Variants in GPC6 observed in about 807,000 individuals in gnomAD.
The protein encoded by GPC6 is glypican-6.
GPC6 carries 14 observed loss-of-function variants against 55.2 expected under a neutral mutation model. The observed-to-expected ratio is 0.25, with a 90% CI of 0.17 to 0.40. GPC6 has a LOEUF of 0.40. Ranked by LOEUF, GPC6 falls within the 10% of genes least tolerant of loss-of-function variation. The probability of loss-of-function intolerance (pLI) is 1.00; values close to 1 mark genes in which losing one functional copy is unlikely to be tolerated. For missense variants in GPC6, 641 were observed against 708.5 expected (o/e 0.90, Z 1.08); for synonymous variants, 278 against 259.6 (o/e 1.07, Z -0.68).
chr13:93,727,734 G>T (rs903842035), intron 2 of GPC6, among the ~76,000 whole-genome samples: 4 of 152,098 alleles, frequency 2.6e-5, no homozygotes, highest in Non-Finnish European at 4.4e-5. Flanking sequence ...TGGCCAGTTT[G>T]CCAACCCTGT....
At chr13:93,655,185 A>G (rs567558216) in intron 2 of GPC6, among the ~76,000 whole-genome samples, 1 of 152,094 alleles carries the variant, frequency 6.6e-6, no homozygotes, top group Non-Finnish European at 1.5e-5. Flanking sequence ...GTGACTTAGA[A>G]ATCTCATGCA....
chr13:94,086,680 G>T (rs1056826906), intron 4 of GPC6, among the ~76,000 whole-genome samples: 2 of 149,584 alleles, frequency 1.3e-5, no homozygotes, highest in Non-Finnish European at 3.0e-5. Flanking sequence ...AGATCCTCAG[G>T]CTATCTTAAG....
chr13:94,007,694 A>G (rs376573703), intron 3 of GPC6, among the ~76,000 whole-genome samples: 1 of 152,098 alleles, frequency 6.6e-6, no homozygotes, highest in African/African-American at 2.4e-5. Context: ...ATTATGACCC[A>G]TCAATCAGTA....
chr13:94,159,783 A>G (rs1320258042), intron 4 of GPC6, among the ~76,000 whole-genome samples: 1 of 152,226 alleles, frequency 6.6e-6, no homozygotes, highest in Non-Finnish European at 1.5e-5. Context: ...ACTAGTACTA[A>G]TTAAAAGGTA....
At chr13:94,130,088 T>A (rs1886956890) in intron 4 of GPC6, among the ~76,000 whole-genome samples, 1 of 152,180 alleles carries the variant, frequency 6.6e-6, no homozygotes, top group Non-Finnish European at 1.5e-5. Flanking sequence ...AATGCTCTCA[T>A]ACTGATTAAT....
chr13:93,245,573 T>A (rs941588494), intron 1 of GPC6, among the ~76,000 whole-genome samples: 6 of 152,214 alleles, frequency 3.9e-5, no homozygotes, highest in African/African-American at 1.4e-4. Flanking sequence ...TCTAACAAGT[T>A]CTCAGGTGAT....
At chr13:93,597,804 C>CT (rs1877828325) in intron 2 of GPC6, among the ~76,000 whole-genome samples, 1 of 152,070 alleles carries the variant, frequency 6.6e-6, no homozygotes, top group Non-Finnish European at 1.5e-5. Context: ...ATCAGTAAGG[C>CT]TTCTAGTCAG....
At chr13:93,735,050 A>G (rs1392097103) in intron 2 of GPC6, among the ~76,000 whole-genome samples, 2 of 152,166 alleles carry the variant, frequency 1.3e-5, no homozygotes, top group Non-Finnish European at 2.9e-5. Flanking sequence ...CCATATGTGT[A>G]TGTATATTGT....
At chr13:93,715,816 T>C (rs1883233579) in intron 2 of GPC6, among the ~76,000 whole-genome samples, 1 of 151,612 alleles carries the variant, frequency 6.6e-6, no homozygotes, top group Non-Finnish European at 1.5e-5. Flanking sequence ...ACCAAAAAAA[T>C]ACAGAATCTC....
intron 4 of GPC6, among the ~76,000 whole-genome samples, chr13:94,261,481 A>G (rs753806464): frequency 3.9e-5 from 6 of 152,224 alleles, no homozygotes; most frequent in Admixed American, 6.5e-5. Context: ...ACCTATAAAT[A>G]AGGATTTAGT....
intron 6 of GPC6, among the ~76,000 whole-genome samples, chr13:94,343,261 A>G (rs1878128652): frequency 6.6e-6 from 1 of 152,162 alleles, no homozygotes; most frequent in Admixed American, 6.5e-5. Context: ...TGAACTATAA[A>G]TGACTCTCCT....
intron 2 of GPC6, among the ~76,000 whole-genome samples, chr13:93,686,725 A>G (rs564345108): frequency 2.0e-5 from 3 of 152,174 alleles, no homozygotes; most frequent in Admixed American, 6.6e-5. Context: ...GTTTTATTCA[A>G]CTCTTGCCTT....
intron 1 of GPC6, among the ~76,000 whole-genome samples, chr13:93,297,829 G>A (rs982299283): frequency 1.3e-5 from 2 of 152,146 alleles, no homozygotes; most frequent in East Asian, 3.9e-4. Flanking sequence ...ACTCACATGA[G>A]TTTGTATAAA....
At chr13:93,454,476 A>G (rs1228762906) in intron 1 of GPC6, among the ~76,000 whole-genome samples, 1 of 131,048 alleles carries the variant, frequency 7.6e-6, no homozygotes, top group Non-Finnish European at 1.7e-5. Flanking sequence ...AGCTAGACAT[A>G]AAGGTTCTCC....
intron 3 of GPC6, among the ~76,000 whole-genome samples, chr13:93,846,746 G>A (rs1309999870): frequency 2.6e-5 from 4 of 152,100 alleles, no homozygotes; most frequent in South Asian, 2.1e-4. Flanking sequence ...CCGGGGAGAC[G>A]GAGGTTGCAG....
chr13:93,786,578 C>T (rs1885820231), intron 2 of GPC6, among the ~76,000 whole-genome samples: 1 of 149,452 alleles, frequency 6.7e-6, no homozygotes, highest in African/African-American at 2.5e-5. Flanking sequence ...GTAAAATTTC[C>T]AGTTGAAAAA....
intron 1 of GPC6, among the ~76,000 whole-genome samples, chr13:93,508,538 G>A (rs1017759812): frequency 3.9e-5 from 6 of 152,182 alleles, no homozygotes; most frequent in Non-Finnish European, 8.8e-5. Context: ...GAGAGAGCTA[G>A]AATAACTTTG....
At chr13:93,600,108 G>T (rs1211442732) in intron 2 of GPC6, among the ~76,000 whole-genome samples, 1 of 152,142 alleles carries the variant, frequency 6.6e-6, no homozygotes, top group East Asian at 1.9e-4. Context: ...TAATAGTGTA[G>T]CAGCCACCTT....
At position 93,976,238 on chromosome 13, in the gene GPC6, G is replaced by T. The variant is rs1003911260; in HGVS notation, c.712-51491G>T. ...GTGTTCATTCATTTGTGATGAAACT[G>T]TCAAATCTGATATGCATTTTAATGC... On this transcript the variant is annotated intron_variant, in intron 3 of 8. Transcript: ENST00000377047. Among the ~76,000 whole-genome samples, 3 of 152,016 alleles carry T rather than the reference G, an allele frequency of 2.0e-5. No individual in the cohort carries two copies. In the East Asian group the frequency reaches 5.8e-4, roughly 29 times the overall value.
Sources: gnomAD v4.1 joint callset for allele counts (sites outside exome capture counted in the v4.1 genomes callset) on GRCh38, gnomAD v4.1.1 for gene constraint, MANE v1.5 for transcripts, NCBI Gene and HGNC (gene_info 2026-07-23, HGNC 2026-07-21) for gene names.